EPG5: variants seen among roughly 807,000 people sequenced by gnomAD.
EPG5 encodes ectopic P granules protein 5 homolog.
EPG5 carries 159 observed loss-of-function variants against 302.7 expected under a neutral mutation model. That is an observed-to-expected ratio of 0.53 (90% CI 0.46 to 0.60). The LOEUF is 0.60. Among genes scored for constraint, EPG5 ranks in the 20% least tolerant of loss-of-function variants. The pLI is 0.00. For missense variants in EPG5, 2,896 were observed against 3,092.4 expected (o/e 0.94, Z 1.51); for synonymous variants, 1,158 against 1,136.8 (o/e 1.02, Z -0.37).
Position 45,860,246 on chromosome 18 carries a change from C to A in EPG5, c.6867G>T (p.Arg2289=). The A allele has an allele frequency of 6.2e-7, 1 of 1,614,220 alleles. No homozygotes were observed. The highest frequency in any genetic ancestry group is 8.5e-7 in the Non-Finnish European group (1 of 1,180,040). ...GGCCAATCCAGGTCCGGATACTGCC[C>A]CGAAGGAACTCTGCTGTTGGAATAG... The part of the protein sequence containing the change: ...NATIPTAEFL[R]GSIRTWIGQK... The change falls in exon 40 of 44, where the codon CGG becomes CGT. Residue 2289 remains arginine (R), a synonymous_variant. Transcript: ENST00000282041.
At chr18:45,956,272 A>T (rs945494035) in intron 1 of EPG5, among the ~76,000 whole-genome samples, 2 of 152,188 alleles carry the variant, frequency 1.3e-5, no homozygotes, top group African/African-American at 4.8e-5. Context: ...TAACTGAAGG[A>T]ATGTGGTCAT....
intron 1 of EPG5, among the ~76,000 whole-genome samples, chr18:45,965,217 C>T (rs1444766524): frequency 6.7e-6 from 1 of 148,838 alleles, no homozygotes; most frequent in African/African-American, 2.6e-5. Context: ...TCAAATACCA[C>T]GTTCTCACTT....
At chr18:45,815,303 G>T in the EPG5 span, among the ~76,000 whole-genome samples, 1 of 152,018 alleles carries the variant, frequency 6.6e-6, no homozygotes, top group Admixed American at 6.6e-5. Context: ...ACTATGAATG[G>T]AGCTGGGTGG....
chr18:45,808,554 A>G, the EPG5 span, among the ~76,000 whole-genome samples: 1 of 152,212 alleles, frequency 6.6e-6, no homozygotes, highest in Admixed American at 6.5e-5. Flanking sequence ...ACACGCTAGA[A>G]GGGATTGGGG....
At chr18:45,837,991 C>A in the EPG5 span, 1 of 1,361,810 alleles carries the variant, frequency 7.3e-7, no homozygotes, top group Non-Finnish European at 9.4e-7. Context: ...CTGTGCTGAG[C>A]CAGGAAGGGC....
intron 31 of EPG5, among the ~76,000 whole-genome samples, chr18:45,881,767 C>G (rs1599482773): frequency 6.6e-6 from 1 of 152,090 alleles, no homozygotes; most frequent in Non-Finnish European, 1.5e-5. Flanking sequence ...GCTGCTCTTT[C>G]CCTTGGTAAA....
At chr18:45,934,134 C>T (rs898755111) in intron 11 of EPG5, among the ~76,000 whole-genome samples, 39 of 151,782 alleles carry the variant, frequency 2.6e-4, no homozygotes, top group African/African-American at 9.4e-4. Flanking sequence ...ACTAAAAATA[C>T]AAAAAATAGC....
rs1171989598 is a variant in EPG5 at position 45,852,472 on chromosome 18, G to C, written c.7735C>G (p.Arg2579Gly). The C allele has an allele frequency of 6.8e-6, 11 of 1,613,318 alleles. No individual in the cohort carries two copies. In the Admixed American group the frequency reaches 1.5e-4, roughly 22 times the overall value. ...YPEVHYLDHI[R>G] is the part of the protein sequence containing the mutation. Reference sequence around the variant, plus strand: ...TTCAAGAGCCTCAGTGTTAACTATCGTATGTGGTCCAAATAATGCACTTCT... The same window carrying C: ...TTCAAGAGCCTCAGTGTTAACTATCCTATGTGGTCCAAATAATGCACTTCT... The change falls in exon 44 of 44, where the codon CGA becomes GGA. Residue 2579 changes from arginine (R) to glycine (G), a missense_variant. Transcript: ENST00000282041.
At chr18:45,816,199 A>T in the EPG5 span, among the ~76,000 whole-genome samples, 1 of 152,328 alleles carries the variant, frequency 6.6e-6, no homozygotes, top group South Asian at 2.1e-4. Context: ...AGAAGATACC[A>T]TTGGAAAAAC....
the EPG5 span, among the ~76,000 whole-genome samples, chr18:45,836,352 T>C: frequency 4.6e-5 from 7 of 152,268 alleles, no homozygotes; most frequent in Middle Eastern, 6.8e-3. Flanking sequence ...CCTTTGGAAC[T>C]ACAAGAGCTG....
At chr18:45,957,473 G>A (rs2051056989) in intron 1 of EPG5, among the ~76,000 whole-genome samples, 1 of 152,176 alleles carries the variant, frequency 6.6e-6, no homozygotes, top group Non-Finnish European at 1.5e-5. Context: ...CTGCAATGAT[G>A]TTTAGCAAAC....
intron 32 of EPG5, 102 bp downstream of exon 32, chr18:45,879,973 G>T (rs1182103875): frequency 2.3e-6 from 3 of 1,298,000 alleles, no homozygotes; most frequent in Non-Finnish European, 3.2e-6. Flanking sequence ...AAAACACATG[G>T]CTCTTAAAGA....
the EPG5 span, chr18:45,838,737 C>CAGAT: frequency 4.4e-6 from 7 of 1,579,288 alleles, no homozygotes; most frequent in African/African-American, 9.6e-5. Flanking sequence ...GGATCGTCAA[C>CAGAT]ATCTCGGTGC....
At chr18:45,892,516 G>A (rs752736269) in intron 27 of EPG5, among the ~76,000 whole-genome samples, 10 of 152,274 alleles carry the variant, frequency 6.6e-5, no homozygotes, top group African/African-American at 2.2e-4. Flanking sequence ...CTTTTCCATC[G>A]TTCATTTCTT....
At position 45,879,122 on chromosome 18, in the gene EPG5, C is replaced by A; in HGVS notation, c.5760G>T (p.Trp1920Cys). ...DFKSFGLFSK[W>C]SPYMADVKTF... ...TCTTCACATCAGCCATATAAGGACTCCATTTTGAGAATAAACCAAAGCTTT... is the reference window on the plus strand; with the variant it reads ...TCTTCACATCAGCCATATAAGGACTACATTTTGAGAATAAACCAAAGCTTT... The change falls in exon 33 of 44, where the codon TGG becomes TGT. Residue 1920 changes from tryptophan (W) to cysteine (C), a missense_variant. Around this residue, in one of 5 missense-constraint regions of EPG5, gnomAD observed 790 missense variants for 798.0 expected, o/e 0.99. Coordinates refer to ENST00000282041, the MANE Select transcript of EPG5 (RefSeq NM_020964.3). The A allele has an allele frequency of 6.2e-7, 1 of 1,614,070 alleles. No homozygotes were observed. The highest frequency in any genetic ancestry group is 8.5e-7 in the Non-Finnish European group (1 of 1,180,002).
chr18:45,874,536 C>T (rs1431372629), intron 35 of EPG5, among the ~76,000 whole-genome samples: 1 of 152,138 alleles, frequency 6.6e-6, no homozygotes, highest in Non-Finnish European at 1.5e-5. Flanking sequence ...AGATGAAAGG[C>T]ATGTCTTACA....
the EPG5 span, among the ~76,000 whole-genome samples, chr18:45,818,055 AT>A: frequency 6.6e-6 from 1 of 152,162 alleles, no homozygotes; most frequent in South Asian, 2.1e-4. Context: ...TATATAGACT[AT>A]TCTATACCTT....
chr18:45,807,225 C>T, the EPG5 span, among the ~76,000 whole-genome samples: 1 of 152,150 alleles, frequency 6.6e-6, no homozygotes, highest in Non-Finnish European at 1.5e-5. Context: ...TGCAGCAAGA[C>T]CTGCCCAAGG....
chr18:45,918,034 G>A (rs1808995399), intron 16 of EPG5, among the ~76,000 whole-genome samples: 1 of 152,198 alleles, frequency 6.6e-6, no homozygotes, highest in Non-Finnish European at 1.5e-5. Flanking sequence ...GGATGAGGAA[G>A]GTGAAGTATC....
Sources: allele counts gnomAD v4.1 joint callset (sites outside exome capture counted in the v4.1 genomes callset), GRCh38; gene constraint gnomAD v4.1.1; regional missense constraint gnomAD v4.1.1; transcripts MANE v1.5; gene names NCBI Gene and HGNC (gene_info 2026-07-23, HGNC 2026-07-21).